Variants in GSE1 observed in about 807,000 individuals in gnomAD.
The protein encoded by GSE1 is Gse1 coiled-coil protein.
In GSE1, 32 loss-of-function variants were observed where a neutral mutation model predicts 112.6. The ratio of observed to expected loss-of-function variants is 0.28; its 90% CI spans 0.21 to 0.38. The LOEUF is 0.38. Ranked by LOEUF, GSE1 falls within the 10% of genes least tolerant of loss-of-function variation. The pLI is 1.00. For missense variants in GSE1, 2,348 were observed against 1,699.2 expected (o/e 1.38, Z -6.71); for synonymous variants, 1,115 against 735.6 (o/e 1.52, Z -8.35).
At chr16:85,628,407 G>A (rs959372187) in intron 1 of GSE1, among the ~76,000 whole-genome samples, 7 of 152,208 alleles carry the variant, frequency 4.6e-5, no homozygotes, top group Non-Finnish European at 1.0e-4. Flanking sequence ...CATGGGGCCC[G>A]GGGAGCAGAT....
At chr16:85,575,620 G>A (rs1048543029) in intron 1 of GSE1, among the ~76,000 whole-genome samples, 1 of 152,062 alleles carries the variant, frequency 6.6e-6, no homozygotes, top group Non-Finnish European at 1.5e-5. Context: ...ATATGGATGT[G>A]TTCATTTTAT....
chr16:85,654,668 T>G, intron 4 of GSE1, 126 bp from the exon 5 acceptor site: 1 of 743,628 alleles, frequency 1.3e-6, no homozygotes, highest in Non-Finnish European at 2.3e-6. Context: ...CCGTCCTCGT[T>G]CGGGGTGCCA....
At chr16:85,176,888 CA>C (rs2074478072) in intron 1 of GSE1, among the ~76,000 whole-genome samples, 6 of 152,258 alleles carry the variant, frequency 3.9e-5, no homozygotes, top group Admixed American at 3.3e-4. Context: ...CCCTGCTCCT[CA>C]GGGGGCCTGG....
intron 2 of GSE1, among the ~76,000 whole-genome samples, chr16:85,480,915 C>T (rs576555870): frequency 6.6e-6 from 1 of 152,350 alleles, no homozygotes; most frequent in South Asian, 2.1e-4. Flanking sequence ...TGAGCAAGCA[C>T]CGGCGGTGCC....
intron 2 of GSE1, among the ~76,000 whole-genome samples, chr16:85,501,260 C>T (rs1215622515): frequency 1.3e-5 from 2 of 152,072 alleles, no homozygotes; most frequent in African/African-American, 2.4e-5. Flanking sequence ...CCTCGGCCTC[C>T]CAAAGTGCTG....
intron 1 of GSE1, among the ~76,000 whole-genome samples, chr16:85,343,681 T>C (rs1205157857): frequency 6.6e-6 from 1 of 151,910 alleles, no homozygotes; most frequent in Non-Finnish European, 1.5e-5. Context: ...GCCCAGGAGG[T>C]TGGGGCTGCA....
chr16:85,666,281 G>C lies in GSE1; in HGVS notation c.3064G>C (p.Glu1022Gln), dbSNP rs201908318. ...SKPWEPFVAE[E>Q]FAHQFHESVL... is the part of the protein sequence containing the mutation. ...GCCGTGGGAGCCCTTTGTGGCAGAA[G>C]AGTTTGCACATCAGTTCCACGAGTC... The change falls in exon 13 of 16, where the codon GAG becomes CAG. Residue 1022 changes from glutamate (E) to glutamine (Q), a missense_variant. Coordinates refer to ENST00000253458, the MANE Select transcript of GSE1 (RefSeq NM_014615.5). 5.6e-6 allele frequency: 9 copies of C among 1,613,784 alleles called. No homozygotes were observed. The Admixed American group carries it at 6.7e-5, about 12-fold the overall frequency.
intron 2 of GSE1, among the ~76,000 whole-genome samples, chr16:85,395,763 C>A (rs1379400959): frequency 1.3e-5 from 2 of 152,216 alleles, no homozygotes; most frequent in Non-Finnish European, 2.9e-5. Flanking sequence ...TAAATCATCC[C>A]GCCTGCCTCC....
At chr16:85,556,925 G>C (rs1033546059) in intron 1 of GSE1, among the ~76,000 whole-genome samples, 6 of 152,034 alleles carry the variant, frequency 3.9e-5, no homozygotes, top group African/African-American at 1.4e-4. Flanking sequence ...AGCTCAGGAG[G>C]GTATTTGGCG....
At chr16:85,184,018 A>G (rs1434387206) in intron 1 of GSE1, among the ~76,000 whole-genome samples, 1 of 152,208 alleles carries the variant, frequency 6.6e-6, no homozygotes, top group African/African-American at 2.4e-5. Context: ...ATCATTCCCC[A>G]GAGAGTCTTC....
chr16:85,368,267 G>A (rs1479102027), intron 2 of GSE1, among the ~76,000 whole-genome samples: 1 of 152,210 alleles, frequency 6.6e-6, no homozygotes, highest in Non-Finnish European at 1.5e-5. Flanking sequence ...AGGACCCAGG[G>A]TGGAGTCAAC....
Position 85,269,092 on chromosome 16 carries a change from G to A in GSE1, c.2284-88371G>A, listed in dbSNP as rs1238900487. Among the ~76,000 whole-genome samples the A allele has an allele frequency of 2.0e-5, 3 of 149,296 alleles. 1 individual carries two copies. Among genetic ancestry groups the A allele is most frequent in the Non-Finnish European group, 4.5e-5 (3 of 66,212 alleles). On this transcript the variant is annotated intron_variant, in intron 1 of 2. Transcript: ENST00000637419. ...CCTGCATTTTACAGATGGACAAACCGAGCATCAATGCCATTCAGAAACTTG... is the reference window on the plus strand; with the variant it reads ...CCTGCATTTTACAGATGGACAAACCAAGCATCAATGCCATTCAGAAACTTG...
At chr16:85,437,411 C>G (rs1406362809) in intron 2 of GSE1, among the ~76,000 whole-genome samples, 5 of 150,854 alleles carry the variant, frequency 3.3e-5, no homozygotes, top group African/African-American at 1.2e-4. Flanking sequence ...TGCCAAGACC[C>G]GGGGCCTCCT....
chr16:85,613,816 G>A lies in GSE1; in HGVS notation c.7+418G>A, dbSNP rs1302644698. Among the ~76,000 whole-genome samples the A allele has an allele frequency of 2.9e-5, 4 of 138,704 alleles. No homozygotes were observed. The East Asian group carries it at 9.9e-4, about 34-fold the overall frequency. The allele number at this position is 138,704 out of a possible 152,430, so 91.0% of individuals were successfully genotyped here. A position where few individuals can be genotyped will look rare whatever the true frequency, so the allele number is the denominator to read the frequency against. On this transcript the variant is annotated intron_variant, in intron 1 of 15. Coordinates refer to ENST00000253458, the MANE Select transcript of GSE1 (RefSeq NM_014615.5). Reference sequence around the variant, plus strand: ...AGGGAGCGAATGGGGGTGGCTGTGCGCCCCCGCGGCAGGTGCTGGCGACGG... The same window carrying A: ...AGGGAGCGAATGGGGGTGGCTGTGCACCCCCGCGGCAGGTGCTGGCGACGG...
intron 2 of GSE1, among the ~76,000 whole-genome samples, chr16:85,424,440 G>T (rs1420327181): frequency 6.6e-6 from 1 of 152,162 alleles, no homozygotes; most frequent in Non-Finnish European, 1.5e-5. Flanking sequence ...GCAATGGCAG[G>T]GTGTCAGTTA....
intron 1 of GSE1, among the ~76,000 whole-genome samples, chr16:85,355,913 G>C (rs917429803): frequency 1.3e-5 from 2 of 152,158 alleles, no homozygotes; most frequent in Non-Finnish European, 2.9e-5. Flanking sequence ...TGTAATCCCA[G>C]CTACTCGGGA....
Position 85,186,928 on chromosome 16 carries a change from A to G in GSE1, c.2283+15121A>G, listed in dbSNP as rs190321071. Among the ~76,000 whole-genome samples the G allele has an allele frequency of 3.1e-3, 479 of 152,298 alleles. 3 individuals are homozygous for G. Among genetic ancestry groups the G allele is most frequent in the Non-Finnish European group, 3.7e-3 (250 of 68,028 alleles). ...CTGACCCTGTAAACAGGACCCTCTG[A>G]CGGGTGTACCAGGGAAGTTGACTTC... is the stretch of plus-strand genomic sequence containing the variant. On this transcript the variant is annotated intron_variant, in intron 1 of 2. Transcript: ENST00000637419.
chr16:85,554,663 A>G (rs956110564), upstream of GSE1, among the ~76,000 whole-genome samples: 6 of 150,298 alleles, frequency 4.0e-5, no homozygotes, highest in East Asian at 1.2e-3. Context: ...CGTTGCCGCA[A>G]CCCCGCGTGG....
At chr16:85,650,958 C>G (rs953806505) in intron 3 of GSE1, among the ~76,000 whole-genome samples, 1 of 151,822 alleles carries the variant, frequency 6.6e-6, no homozygotes, top group East Asian at 2.0e-4. Flanking sequence ...TGTTTTAAAG[C>G]TAACAGGGCA....
Sources: allele counts gnomAD v4.1 joint callset (sites outside exome capture counted in the v4.1 genomes callset), GRCh38; gene constraint gnomAD v4.1.1; transcripts MANE v1.5; gene names NCBI Gene and HGNC (gene_info 2026-07-23, HGNC 2026-07-21).